SARDH: variants seen among roughly 807,000 people sequenced by gnomAD.
SARDH encodes the protein sarcosine dehydrogenase, also known as sarcosine dehydrogenase, mitochondrial.
In SARDH, 95 loss-of-function variants were observed where a neutral mutation model predicts 109.1. The observed-to-expected ratio is 0.87, with a 90% CI of 0.74 to 1.03. The LOEUF is 1.03. SARDH is among the 50% of genes least tolerant of loss of function. The probability of loss-of-function intolerance (pLI) is 0.00; values close to 1 mark genes in which losing one functional copy is unlikely to be tolerated. For missense variants in SARDH, 1,267 were observed against 1,287.8 expected (o/e 0.98, Z 0.25); for synonymous variants, 572 against 534.8 (o/e 1.07, Z -0.96).
intron 17 of SARDH, among the ~76,000 whole-genome samples, chr9:133,680,686 C>T (rs1041829334): frequency 6.6e-6 from 1 of 152,222 alleles, no homozygotes; most frequent in African/African-American, 2.4e-5. Flanking sequence ...GATCTGGACC[C>T]ACCGGCCACC....
In SARDH at chr9:133,698,665, A is replaced by T. The variant is rs188772742; in HGVS notation, c.1669-2304T>A. On this transcript the variant is annotated intron_variant, in intron 13 of 20. Coordinates refer to ENST00000439388, the MANE Select transcript of SARDH (RefSeq NM_001134707.2). ...GATTTTCAACAAGGGTGCCAAGACAATTCCAAGGGTAGAGCAATCTTTTCA... is the reference window on the plus strand; with the variant it reads ...GATTTTCAACAAGGGTGCCAAGACATTTCCAAGGGTAGAGCAATCTTTTCA... Among the ~76,000 whole-genome samples, 567 of 152,282 alleles carry T rather than the reference A, an allele frequency of 3.7e-3. 3 individuals are homozygous for T. The highest frequency in any genetic ancestry group is 0.013 in the African/African-American group (538 of 41,542).
In SARDH at chr9:133,731,372, T is replaced by C. The variant is rs1473973607; in HGVS notation, c.623A>G (p.Asp208Gly). 3 of 1,614,024 alleles carry C rather than the reference T, an allele frequency of 1.9e-6. No individual in the cohort carries two copies. The highest frequency in any genetic ancestry group is 2.7e-5 in the African/African-American group (2 of 74,910). ...GGTGCCAGCGGGGTCCATGGTACCG[T>C]CGTGCGGCACATACAGGGTCCCGTA... is the stretch of plus-strand genomic sequence containing the variant. The part of the protein sequence containing the change: ...DLYGTLYVPH[D>G]GTMDPAGTCT... Residue 208 changes from aspartate (D) to glycine (G), a missense_variant, in exon 4 of 21, where the codon GAC becomes GGC. Physicochemically the swap from Asp to Gly is moderately conservative, Grantham distance 94. Transcript: ENST00000439388.
chr9:133,713,947 C>A (rs1210166452), intron 8 of SARDH, among the ~76,000 whole-genome samples: 1 of 152,246 alleles, frequency 6.6e-6, no homozygotes, highest in Non-Finnish European at 1.5e-5. Context: ...CCTCGAGGAG[C>A]TGACGGAGGG....
chr9:133,732,570 C>A lies in SARDH; in HGVS notation c.363G>T (p.Val121=), dbSNP rs2131510656. The change falls in exon 3 of 21, where the codon GTG becomes GTT. Residue 121 remains valine, a synonymous_variant. Coordinates refer to ENST00000439388, the MANE Select transcript of SARDH (RefSeq NM_001134707.2). ...GAGTGTGGGCCAGAAGCTCCACCTC[C>A]ACGTCACTGGGCCGCAGCTGCCACA... ...GLLWQLRPSD[V]EVELLAHTRR... 1.2e-6 allele frequency: 2 copies of A among 1,612,378 alleles called. No individual in the cohort carries two copies. Among genetic ancestry groups the A allele is most frequent in the Non-Finnish European group, 1.7e-6 (2 of 1,179,186 alleles).
At chr9:133,725,405 G>T (rs1005969389) in intron 6 of SARDH, 2 of 301,402 alleles carry the variant, frequency 6.6e-6, no homozygotes, top group Non-Finnish European at 1.3e-5. Context: ...AAGCATGGTG[G>T]CTCACGCCTG....
At chr9:133,679,961 T>G (rs1034243689) in intron 17 of SARDH, among the ~76,000 whole-genome samples, 2 of 152,222 alleles carry the variant, frequency 1.3e-5, no homozygotes, top group Non-Finnish European at 2.9e-5. Context: ...CACGCATTCC[T>G]CGCCTGCATC....
In SARDH at chr9:133,685,039, G is replaced by T. The variant is rs535586479; in HGVS notation, c.2163+154C>A. Among the ~76,000 whole-genome samples the T allele has an allele frequency of 2.0e-5, 3 of 152,260 alleles. No homozygotes were observed. The South Asian group carries it at 6.2e-4, about 32-fold the overall frequency. On this transcript the variant is annotated intron_variant, in intron 17 of 20. Coordinates refer to ENST00000439388, the MANE Select transcript of SARDH (RefSeq NM_001134707.2). ...GCTCCCAACAGCCTGTAGGAGGGCC[G>T]CCTGGTCCCACTGTCCCCCCTTCAC...
intron 17 of SARDH, among the ~76,000 whole-genome samples, chr9:133,680,890 T>G (rs1019462559): frequency 6.6e-6 from 1 of 152,214 alleles, no homozygotes; most frequent in African/African-American, 2.4e-5. Context: ...GTGCTGGGCA[T>G]CAGGGTCTCT....
Position 133,712,215 on chromosome 9 carries a change from C to G in SARDH, c.1328+404G>C, listed in dbSNP as rs1031391021. Among the ~76,000 whole-genome samples, 3 of 152,284 alleles carry G rather than the reference C, an allele frequency of 2.0e-5. No homozygotes were observed. Among genetic ancestry groups the G allele is most frequent in the Admixed American group, 6.5e-5 (1 of 15,300 alleles). ...CATTCCTGGCCGCTTTGTCAGTGTACGATTGAACGGGACAGCCGGGGCTGC... is the reference window on the plus strand; with the variant it reads ...CATTCCTGGCCGCTTTGTCAGTGTAGGATTGAACGGGACAGCCGGGGCTGC... On this transcript the variant is annotated intron_variant, in intron 10 of 20. Transcript: ENST00000439388. This position sits in a 1 kb window ranked among gnomAD's most constrained non-coding sequence, Gnocchi z 4.1.
At chr9:133,677,644 G>T (rs1481324567) in intron 17 of SARDH, among the ~76,000 whole-genome samples, 1 of 152,258 alleles carries the variant, frequency 6.6e-6, no homozygotes, top group African/African-American at 2.4e-5. Context: ...TTGGGGCAGG[G>T]GTCCTTTGTG....
At chr9:133,689,742 C>G (rs1831025159) in intron 16 of SARDH, among the ~76,000 whole-genome samples, 1 of 152,158 alleles carries the variant, frequency 6.6e-6, no homozygotes, top group African/African-American at 2.4e-5. Flanking sequence ...TCCCCCACCC[C>G]CAGTCCCTTC....
At chr9:133,711,902 G>A (rs9409818) in intron 10 of SARDH, among the ~76,000 whole-genome samples, 38,563 of 152,126 alleles carry the variant, frequency 0.25, 5,713 homozygotes, top group East Asian at 0.32. Context: ...CCATGAGGAC[G>A]AGACACAGGA....
At chr9:133,696,871 G>A (rs1004435752) in intron 13 of SARDH, among the ~76,000 whole-genome samples, 5 of 152,098 alleles carry the variant, frequency 3.3e-5, no homozygotes, top group African/African-American at 1.2e-4. Context: ...CTTGCATTAC[G>A]AAAGAAGATC....
chr9:133,697,479 A>G (rs1014076018), intron 13 of SARDH, among the ~76,000 whole-genome samples: 4 of 152,242 alleles, frequency 2.6e-5, no homozygotes, highest in African/African-American at 7.2e-5. Context: ...TAAGAAAACT[A>G]CAGACCAATA....
At chr9:133,725,945 G>C (rs1021628998) in intron 6 of SARDH, among the ~76,000 whole-genome samples, 1 of 152,184 alleles carries the variant, frequency 6.6e-6, no homozygotes, top group Admixed American at 6.5e-5. Context: ...GCAGAGACCA[G>C]AAGGGACATT....
In SARDH at chr9:133,708,792, G is replaced by T. The variant is rs549564780; in HGVS notation, c.1329-364C>A. The stretch of plus-strand genomic sequence containing the variant: ...GCCCCTACATGACTGGGGAGGGAGC[G>T]GCCCCTGGGAGGGATGGGCTCAGAT... On this transcript the variant is annotated intron_variant, in intron 10 of 20. Transcript: ENST00000439388. 2.0e-5 allele frequency among the ~76,000 whole-genome samples: 3 copies of T among 152,268 alleles called. No individual in the cohort carries two copies. The South Asian group carries it at 6.2e-4, about 32-fold the overall frequency.
downstream of SARDH, among the ~76,000 whole-genome samples, chr9:133,659,745 A>T (rs557789904): frequency 6.6e-6 from 1 of 152,150 alleles, no homozygotes; most frequent in Non-Finnish European, 1.5e-5. Flanking sequence ...CTTGTGGTCC[A>T]TAAGTCACGG....
At chr9:133,705,887 C>T (rs761853893) in intron 11 of SARDH, among the ~76,000 whole-genome samples, 101 of 152,298 alleles carry the variant, frequency 6.6e-4, no homozygotes, top group Non-Finnish European at 1.1e-3. Flanking sequence ...GAAGCGACGC[C>T]AGGGCCCTCT....
chr9:133,685,180 A>C lies in SARDH; in HGVS notation c.2163+13T>G. On this transcript the variant is annotated intron_variant, in intron 17 of 20. Transcript: ENST00000439388. ...CACCCACGACCCAGAGGACGTGGCC[A>C]GCTGGAACCTACCAGGTGCCCTGCG... 6.2e-7 allele frequency: 1 copy of C among 1,612,036 alleles called. No homozygotes were observed. Among genetic ancestry groups the C allele is most frequent in the Non-Finnish European group, 8.5e-7 (1 of 1,178,810 alleles).
Sources: gnomAD v4.1 joint callset for allele counts (sites outside exome capture counted in the v4.1 genomes callset) on GRCh38, gnomAD v4.1.1 for gene constraint, Gnocchi (gnomAD v3.1) non-coding constraint, MANE v1.5 for transcripts, NCBI Gene and HGNC (gene_info 2026-07-23, HGNC 2026-07-21) for gene names.